The following C1GALT1 variants were observed in gnomAD, a reference collection of about 807,000 sequenced individuals.
C1GALT1 encodes the protein core 1 synthase, glycoprotein-N-acetylgalactosamine 3-beta-galactosyltransferase 1.
Under a neutral mutation model 31.0 loss-of-function variants are expected in C1GALT1, and 11 were observed. That is an observed-to-expected ratio of 0.36 (90% confidence interval 0.22 to 0.59). The LOEUF (loss-of-function observed/expected upper bound fraction) is 0.59. C1GALT1 is among the 20% of genes least tolerant of loss of function. C1GALT1 has a pLI of 0.79. For missense variants in C1GALT1, 424 were observed against 425.2 expected, an observed-to-expected ratio of 1.00 and a Z score of 0.03; for synonymous variants, 175 against 143.6, an observed-to-expected ratio of 1.22 and a Z score of -1.56.
chr7:7,208,376 A>G (rs1162258653), intron 1 of C1GALT1, among the ~76,000 whole-genome samples: 1 of 152,134 alleles, frequency 6.6e-6, no homozygotes, highest in African/African-American at 2.4e-5. Flanking sequence ...TTAGGAAAAA[A>G]CATAGTACGT....
At chr7:7,205,747 T>C (rs1168838098) in intron 1 of C1GALT1, among the ~76,000 whole-genome samples, 1 of 152,250 alleles carries the variant, frequency 6.6e-6, no homozygotes, top group Non-Finnish European at 1.5e-5. Flanking sequence ...TTTGTTCTTG[T>C]ATGAATGGAA....
chr7:7,219,247 C>G (rs956555217), intron 1 of C1GALT1, among the ~76,000 whole-genome samples: 1 of 152,178 alleles, frequency 6.6e-6, no homozygotes, highest in African/African-American at 2.4e-5. Flanking sequence ...TGAAAATATT[C>G]TATGATACTA....
intron 1 of C1GALT1, among the ~76,000 whole-genome samples, chr7:7,190,440 C>G (rs560757443): frequency 6.6e-6 from 1 of 152,098 alleles, no homozygotes; most frequent in Non-Finnish European, 1.5e-5. Context: ...ATGTTCCATT[C>G]TCACTTTATA....
At chr7:7,204,676 C>T (rs916719603) in intron 1 of C1GALT1, among the ~76,000 whole-genome samples, 13 of 151,844 alleles carry the variant, frequency 8.6e-5, no homozygotes, top group East Asian at 1.9e-4. Context: ...CTTTTTGTTT[C>T]GTGTGTTAAT....
intron 1 of C1GALT1, among the ~76,000 whole-genome samples, chr7:7,204,550 C>T (rs6463656): frequency 0.53 from 80,488 of 151,746 alleles, 22,658 homozygotes; most frequent in East Asian, 0.94. Context: ...TTTCCTGTTT[C>T]CCATTTTGTT....
intron 2 of C1GALT1, among the ~76,000 whole-genome samples, chr7:7,163,250 T>C (rs926014887): frequency 6.6e-6 from 1 of 152,194 alleles, no homozygotes; most frequent in Non-Finnish European, 1.5e-5. Flanking sequence ...TGGTTTTAGG[T>C]CTAACGTTTA....
chr7:7,222,115 C>G (rs1005750302), intron 1 of C1GALT1, among the ~76,000 whole-genome samples: 40 of 152,290 alleles, frequency 2.6e-4, no homozygotes, highest in African/African-American at 8.9e-4. Context: ...CACTTTGACA[C>G]AAGCACCTCA....
chr7:7,185,395 CAA>C (rs1253928175), intron 1 of C1GALT1, among the ~76,000 whole-genome samples: 1 of 152,134 alleles, frequency 6.6e-6, no homozygotes, highest in African/African-American at 2.4e-5. Flanking sequence ...GCTGCGGTAA[CAA>C]AATACGACAA....
At chr7:7,197,402 T>C (rs1192333845) in intron 1 of C1GALT1, among the ~76,000 whole-genome samples, 1 of 152,044 alleles carries the variant, frequency 6.6e-6, no homozygotes, top group Non-Finnish European at 1.5e-5. Context: ...TTGGTCTGTA[T>C]CTCTGTTTTT....
chr7:7,219,665 A>G (rs915463750), intron 1 of C1GALT1, among the ~76,000 whole-genome samples: 1 of 152,204 alleles, frequency 6.6e-6, no homozygotes, highest in South Asian at 2.1e-4. Flanking sequence ...CAAGAAATAT[A>G]TATTCATTAA....
At chr7:7,218,849 T>TG (rs1207869092) in intron 1 of C1GALT1, among the ~76,000 whole-genome samples, 1 of 151,956 alleles carries the variant, frequency 6.6e-6, no homozygotes, top group Non-Finnish European at 1.5e-5. Context: ...TTTTTTTTTT[T>TG]TTGAGATGGA....
intron 1 of C1GALT1, among the ~76,000 whole-genome samples, chr7:7,221,158 G>T (rs1256542452): frequency 2.0e-5 from 3 of 151,680 alleles, no homozygotes; most frequent in African/African-American, 7.3e-5. Flanking sequence ...CTTTTATCTG[G>T]ACCTCTAAAG....
At chr7:7,215,654 G>C (rs1354417015) in intron 1 of C1GALT1, among the ~76,000 whole-genome samples, 1 of 152,146 alleles carries the variant, frequency 6.6e-6, no homozygotes, top group Non-Finnish European at 1.5e-5. Flanking sequence ...ATTGGGAATA[G>C]TGTTTCCTCT....
intron 1 of C1GALT1, 93 bp downstream of exon 1, chr7:7,182,913 G>A: frequency 1.1e-5 from 10 of 920,544 alleles, no homozygotes; most frequent in Non-Finnish European, 1.2e-5. Flanking sequence ...AAGCGTGGAG[G>A]ATGGAACCAA....
intron 1 of C1GALT1, among the ~76,000 whole-genome samples, chr7:7,187,529 G>A (rs746791464): frequency 2.0e-4 from 30 of 152,052 alleles, no homozygotes; most frequent in Non-Finnish European, 3.4e-4. Context: ...ATTTAGCAAT[G>A]TCTACAGACA....
chr7:7,178,554 GT>G (rs1780531049), upstream of C1GALT1, among the ~76,000 whole-genome samples: 1 of 152,152 alleles, frequency 6.6e-6, no homozygotes, highest in Admixed American at 6.5e-5. Context: ...CAAGGATTCC[GT>G]TGTTCTATTC....
At position 7,234,739 on chromosome 7, in the gene C1GALT1, A is replaced by C; in HGVS notation, c.220+200A>C. ...GATATTAATTTTGAATTCGTTTTTAAGTAGAAATAGTTCAGAACCCATGAT... is the reference window on the plus strand; with the variant it reads ...GATATTAATTTTGAATTCGTTTTTACGTAGAAATAGTTCAGAACCCATGAT... On this transcript the variant is annotated intron_variant, in intron 2 of 3. Coordinates refer to ENST00000436587, the MANE Select transcript of C1GALT1 (RefSeq NM_020156.5). The C allele has an allele frequency of 1.8e-5, 9 of 490,558 alleles. No homozygotes were observed. The South Asian group carries it at 2.4e-4, about 13-fold the overall frequency. 30.4% of individuals were successfully genotyped at this position (490,558 alleles called of 1,614,324 possible).
chr7:7,166,517 A>T (rs1780394402), intron 2 of C1GALT1, among the ~76,000 whole-genome samples: 2 of 152,114 alleles, frequency 1.3e-5, no homozygotes. Flanking sequence ...GGGAAGTGGC[A>T]GGAGGAAACT....
chr7:7,183,758 C>T (rs577785318), intron 1 of C1GALT1, among the ~76,000 whole-genome samples: 16 of 146,314 alleles, frequency 1.1e-4, no homozygotes, highest in Non-Finnish European at 2.1e-4. Flanking sequence ...AGATTTCTAA[C>T]CTAGTTCTCT....
Sources: gnomAD v4.1 joint callset for allele counts (sites outside exome capture counted in the v4.1 genomes callset) on GRCh38, gnomAD v4.1.1 for gene constraint, MANE v1.5 for transcripts, NCBI Gene and HGNC (gene_info 2026-07-23, HGNC 2026-07-21) for gene names.